The following PXDNL variants were observed in gnomAD, a reference collection of about 807,000 sequenced individuals.
PXDNL encodes the protein peroxidasin like, also known as probable oxidoreductase PXDNL.
A neutral mutation model predicts 150.8 loss-of-function variants in PXDNL; 145 were observed. The observed-to-expected ratio is 0.96, with a 90% CI of 0.84 to 1.10. The LOEUF (loss-of-function observed/expected upper bound fraction) is 1.10, where lower values mean the gene tolerates loss of function less well. Ranked by LOEUF, PXDNL falls within the 50% of genes least tolerant of loss-of-function variation. The pLI, the probability that PXDNL is intolerant of heterozygous loss-of-function variation, is 0.00. For missense variants in PXDNL, 2,087 were observed against 1,873.9 expected, an observed-to-expected ratio of 1.11 and a Z score of -2.10; for synonymous variants, 757 against 725.7, an observed-to-expected ratio of 1.04 and a Z score of -0.69.
chr8:51,647,924 T>G (rs1461351726), intron 2 of PXDNL, among the ~76,000 whole-genome samples: 1 of 152,206 alleles, frequency 6.6e-6, no homozygotes, highest in Non-Finnish European at 1.5e-5. Context: ...TTGCCTATTT[T>G]TTAATATCAA....
chr8:51,452,893 C>A (rs1417033046), intron 10 of PXDNL, among the ~76,000 whole-genome samples: 1 of 148,830 alleles, frequency 6.7e-6, no homozygotes, highest in East Asian at 1.9e-4. Context: ...AGGAAGATGG[C>A]ATGCAGGCAC....
At chr8:51,427,221 A>G (rs1381672737) in intron 12 of PXDNL, among the ~76,000 whole-genome samples, 1 of 152,224 alleles carries the variant, frequency 6.6e-6, no homozygotes, top group Non-Finnish European at 1.5e-5. Flanking sequence ...ATAGCTCTGT[A>G]ACTATTAAAA....
intron 21 of PXDNL, chr8:51,321,176 CAAAT>C (rs1805302390): frequency 1.0e-5 from 3 of 288,578 alleles, no homozygotes; most frequent in Non-Finnish European, 1.3e-5. Flanking sequence ...GAATTAAAAT[CAAAT>C]GAATGAAATT....
chr8:51,320,548 C>A (rs1192707209), intron 22 of PXDNL, among the ~76,000 whole-genome samples: 2 of 152,206 alleles, frequency 1.3e-5, no homozygotes, highest in Non-Finnish European at 2.9e-5. Flanking sequence ...CCTCGTCCAT[C>A]AGTGAACATG....
intron 4 of PXDNL, among the ~76,000 whole-genome samples, chr8:51,556,216 A>G (rs892807270): frequency 2.6e-5 from 4 of 152,058 alleles, no homozygotes; most frequent in Non-Finnish European, 4.4e-5. Context: ...ATGAGCTGTG[A>G]TGGGACAACT....
intron 1 of PXDNL, among the ~76,000 whole-genome samples, chr8:51,746,950 T>A (rs1300953837): frequency 6.6e-6 from 1 of 152,102 alleles, no homozygotes; most frequent in African/African-American, 2.4e-5. Context: ...CTTGAACTCC[T>A]GGGCTCAAGG....
intron 1 of PXDNL, among the ~76,000 whole-genome samples, chr8:51,733,309 G>C (rs1250072717): frequency 6.6e-6 from 1 of 152,152 alleles, no homozygotes; most frequent in East Asian, 1.9e-4. Flanking sequence ...GCAGTTTAAG[G>C]CTATGGGCTT....
chr8:51,511,542 C>T lies in PXDNL; in HGVS notation c.381-11772G>A, dbSNP rs1811418164. ...CTTCCTGCTTCCAAATTAAAATCAT[C>T]GGGTCCCCTTCCCAAGCTTATGTAC... On this transcript the variant is annotated intron_variant, in intron 4 of 22. Coordinates refer to ENST00000356297, the MANE Select transcript of PXDNL (RefSeq NM_144651.5). 2.0e-5 allele frequency among the ~76,000 whole-genome samples: 3 copies of T among 152,238 alleles called. No homozygotes were observed. In the South Asian group the frequency reaches 6.2e-4, roughly 32 times the overall value.
chr8:51,488,709 G>A (rs966767551), intron 5 of PXDNL, among the ~76,000 whole-genome samples: 16 of 152,138 alleles, frequency 1.1e-4, no homozygotes, highest in Admixed American at 1.0e-3. Flanking sequence ...ATCTAAAGGA[G>A]AGCAGGTGAA....
rs574950546 is a variant in PXDNL, at chr8:51,682,576, G to C, written c.165-27816C>G. 2.6e-5 allele frequency among the ~76,000 whole-genome samples: 4 copies of C among 152,292 alleles called. No individual in the cohort carries two copies. The South Asian group carries it at 8.3e-4, about 32-fold the overall frequency. ...ATGACTGGGCTGCACATCTGCGACA[G>C]CCTCATGCCACTTATTCTCCCCTAA... On this transcript the variant is annotated intron_variant, in intron 1 of 22. Coordinates refer to ENST00000356297, the MANE Select transcript of PXDNL (RefSeq NM_144651.5).
chr8:51,716,800 G>A (rs1816623996), intron 1 of PXDNL, among the ~76,000 whole-genome samples: 1 of 152,204 alleles, frequency 6.6e-6, no homozygotes, highest in South Asian at 2.1e-4. Flanking sequence ...TAATTGTCAG[G>A]AAGAGCAGAG....
At position 51,466,257 on chromosome 8, in the gene PXDNL, C is replaced by G. The variant is rs1479202472; in HGVS notation, c.812+5930G>C. Reference sequence around the variant, plus strand: ...AGAAATAAAACTGCACCTCTACATCCATCTGATCTTCAACAAAGTCAACAA... The same window carrying G: ...AGAAATAAAACTGCACCTCTACATCGATCTGATCTTCAACAAAGTCAACAA... On this transcript the variant is annotated intron_variant, in intron 8 of 22. Coordinates refer to ENST00000356297, the MANE Select transcript of PXDNL (RefSeq NM_144651.5). Among the ~76,000 whole-genome samples, 3 of 152,112 alleles carry G rather than the reference C, an allele frequency of 2.0e-5. No individual in the cohort carries two copies. The South Asian group carries it at 6.2e-4, about 32-fold the overall frequency.
chr8:51,432,539 T>C (rs1586102044), intron 12 of PXDNL, among the ~76,000 whole-genome samples: 1 of 152,366 alleles, frequency 6.6e-6, no homozygotes, highest in Non-Finnish European at 1.5e-5. Context: ...TCAATTTCTT[T>C]CAATGACATT....
chr8:51,452,622 T>C (rs1809830590), intron 10 of PXDNL, among the ~76,000 whole-genome samples: 1 of 152,198 alleles, frequency 6.6e-6, no homozygotes, highest in Admixed American at 6.5e-5. Context: ...ACCCAGGCAC[T>C]GCACTAGGCT....
chr8:51,531,796 AG>A (rs1319767907), intron 4 of PXDNL, among the ~76,000 whole-genome samples: 1 of 152,260 alleles, frequency 6.6e-6, no homozygotes, highest in African/African-American at 2.4e-5. Context: ...ATTCAAAGAA[AG>A]GATGTGGATT....
intron 1 of PXDNL, among the ~76,000 whole-genome samples, chr8:51,696,796 CAT>C (rs1816148238): frequency 2.4e-3 from 3 of 1,248 alleles, no homozygotes; most frequent in Non-Finnish European, 3.0e-3. Flanking sequence ...CCCACCCACA[CAT>C]AGGTCTTCAC....
intron 4 of PXDNL, among the ~76,000 whole-genome samples, chr8:51,542,382 T>C (rs1486115944): frequency 6.6e-6 from 1 of 152,038 alleles, no homozygotes; most frequent in Non-Finnish European, 1.5e-5. Flanking sequence ...ACAATTCATA[T>C]GTTGAAATCT....
chr8:51,340,663 A>T (rs1418921060), intron 20 of PXDNL, among the ~76,000 whole-genome samples: 1 of 152,224 alleles, frequency 6.6e-6, no homozygotes, highest in African/African-American at 2.4e-5. Context: ...AGTTTACATT[A>T]ATCAGGGAAT....
At chr8:51,715,669 G>C (rs1447602118) in intron 1 of PXDNL, among the ~76,000 whole-genome samples, 1 of 152,138 alleles carries the variant, frequency 6.6e-6, no homozygotes, top group East Asian at 1.9e-4. Context: ...TGCTACAATA[G>C]AAATAATTTA....
Sources: allele counts gnomAD v4.1 joint callset (sites outside exome capture counted in the v4.1 genomes callset), GRCh38; gene constraint gnomAD v4.1.1; transcripts MANE v1.5; gene names NCBI Gene and HGNC (gene_info 2026-07-23, HGNC 2026-07-21).